Variants in TEX26 observed in about 807,000 individuals in gnomAD.
TEX26 encodes the protein testis-expressed protein 26.
TEX26 carries 34 observed loss-of-function variants against 35.3 expected under a neutral mutation model. The observed-to-expected ratio is 0.96, with a 90% confidence interval of 0.73 to 1.28. The LOEUF is 1.28. TEX26 is among the 50% of genes most tolerant of loss of function. TEX26 has a pLI of 0.00. For missense variants in TEX26, 371 were observed against 330.1 expected, an observed-to-expected ratio of 1.12 and a Z score of -0.96; for synonymous variants, 136 against 111.8, an observed-to-expected ratio of 1.22 and a Z score of -1.36.
At position 30,944,048 on chromosome 13, in the gene TEX26, A is replaced by G. The variant is rs961804270; in HGVS notation, c.146+4270A>G. ...AGGATTGGCACCAATTCTTCTTTGA[A>G]CATCTGATAGAATTCAGCTGTGAAT... On this transcript the variant is annotated intron_variant, in intron 2 of 6. Coordinates refer to ENST00000380473, the MANE Select transcript of TEX26 (RefSeq NM_152325.3). Among the ~76,000 whole-genome samples, 6 of 152,050 alleles carry G rather than the reference A, an allele frequency of 3.9e-5. No homozygotes were observed. In the East Asian group the frequency reaches 7.7e-4, roughly 20 times the overall value.
chr13:30,941,361 G>T (rs536758707), intron 2 of TEX26, among the ~76,000 whole-genome samples: 1 of 152,292 alleles, frequency 6.6e-6, no homozygotes, highest in South Asian at 2.1e-4. Context: ...CTATATAACT[G>T]TAACAGTAGC....
intron 4 of TEX26, among the ~76,000 whole-genome samples, chr13:30,964,274 G>A (rs551361336): frequency 1.1e-4 from 17 of 152,152 alleles, no homozygotes; most frequent in Non-Finnish European, 2.1e-4. Context: ...TGTCTGGAAT[G>A]AGGGTCAGCA....
intron 4 of TEX26, among the ~76,000 whole-genome samples, chr13:30,961,546 A>G (rs898150843): frequency 6.6e-6 from 1 of 152,208 alleles, no homozygotes; most frequent in Admixed American, 6.5e-5. Flanking sequence ...TTTTCTAAAA[A>G]AATGTGTTAA....
At chr13:30,969,750 T>C (rs941417902) in intron 6 of TEX26, among the ~76,000 whole-genome samples, 2 of 152,150 alleles carry the variant, frequency 1.3e-5, no homozygotes, top group African/African-American at 4.8e-5. Context: ...CCAGTGCAGA[T>C]GTAAAAATTT....
At chr13:30,963,186 G>T (rs1009876086) in intron 4 of TEX26, among the ~76,000 whole-genome samples, 1 of 152,060 alleles carries the variant, frequency 6.6e-6, no homozygotes. Flanking sequence ...GGGCCTTTCT[G>T]CAGATGCCAT....
chr13:30,948,916 T>C (rs1416227345), intron 2 of TEX26, among the ~76,000 whole-genome samples: 2 of 152,210 alleles, frequency 1.3e-5, no homozygotes, highest in East Asian at 3.8e-4. Context: ...TTAATTTTTG[T>C]ATAAGGTGTA....
In TEX26 at chr13:30,951,518, T is replaced by TA. The variant is rs544858816; in HGVS notation, c.147-1134dup. Among the ~76,000 whole-genome samples, 36 of 152,022 alleles carry TA rather than the reference T, an allele frequency of 2.4e-4. No individual in the cohort carries two copies. In the South Asian group the frequency reaches 5.4e-3, roughly 23 times the overall value. ...AATCTGAATCTATTCAGCCCTTTTT[T>TA]AAAAAAAAGTCAAAATGAAATATTT... On this transcript the variant is annotated intron_variant, in intron 2 of 6. Transcript: ENST00000380473.
intron 4 of TEX26, among the ~76,000 whole-genome samples, chr13:30,961,551 T>G (rs1307304049): frequency 6.6e-6 from 1 of 152,064 alleles, no homozygotes; most frequent in Non-Finnish European, 1.5e-5. Flanking sequence ...TAAAAAAATG[T>G]GTTAACATTT....
chr13:30,967,668 TC>T (rs999836456), intron 5 of TEX26, among the ~76,000 whole-genome samples: 94 of 152,352 alleles, frequency 6.2e-4, no homozygotes, highest in African/African-American at 2.1e-3. Context: ...TTAAAGGGGA[TC>T]CCTGGAGCTG....
In TEX26 at chr13:30,968,734, T is replaced by C. The variant is rs948504139; in HGVS notation, c.647-151T>C. The C allele has an allele frequency of 7.5e-6, 5 of 669,964 alleles. No homozygotes were observed. The East Asian group carries it at 7.6e-5, about 10-fold the overall frequency. The allele number at this position is 669,964 out of a possible 1,614,324, so 41.5% of individuals were successfully genotyped here. ...CTGGTCATTGGAAGAATTTGTTTAA[T>C]ACAGAGCCTTAATGTCCAGCATCAT... is the stretch of plus-strand genomic sequence containing the variant. On this transcript the variant is annotated intron_variant, in intron 5 of 6. Coordinates refer to ENST00000380473, the MANE Select transcript of TEX26 (RefSeq NM_152325.3).
In TEX26 at chr13:30,975,010, GC is replaced by G. The variant is rs1954836320; in HGVS notation, c.*104del. 2.7e-6 allele frequency: 2 copies of G among 746,076 alleles called. No homozygotes were observed. Among genetic ancestry groups the G allele is most frequent in the Non-Finnish European group, 4.2e-6 (2 of 474,042 alleles). The allele number at this position is 746,076 out of a possible 1,614,324, so 46.2% of individuals were successfully genotyped here. A position where few individuals can be genotyped will look rare whatever the true frequency, so the allele number is the denominator to read the frequency against. On this transcript the variant is annotated 3_prime_UTR_variant, in exon 7 of 7. Coordinates refer to ENST00000380473, the MANE Select transcript of TEX26 (RefSeq NM_152325.3). ...ATCAAGGAAAAATAAGATGCAAATA[GC>G]TTCAAGTATGATGTGATAGTCATGA... is the stretch of plus-strand genomic sequence containing the variant.
chr13:30,942,421 T>A (rs1466840028), intron 2 of TEX26, among the ~76,000 whole-genome samples: 1 of 152,194 alleles, frequency 6.6e-6, no homozygotes, highest in Admixed American at 6.5e-5. Context: ...ATGTTAGTCC[T>A]TTGTTAGCTT....
intron 2 of TEX26, 94 bp downstream of exon 2, chr13:30,939,872 A>G (rs1953414790): frequency 1.7e-6 from 2 of 1,156,844 alleles, no homozygotes; most frequent in Non-Finnish European, 2.5e-6. Flanking sequence ...CAGTAATTAG[A>G]GAAGCTTCGT....
intron 2 of TEX26, among the ~76,000 whole-genome samples, chr13:30,948,454 T>C (rs1005257947): frequency 1.3e-5 from 2 of 152,228 alleles, no homozygotes; most frequent in African/African-American, 4.8e-5. Flanking sequence ...AGATGGTATC[T>C]CATTGTGGTT....
At chr13:30,968,277 T>C (rs564051701) in intron 5 of TEX26, among the ~76,000 whole-genome samples, 4 of 152,274 alleles carry the variant, frequency 2.6e-5, no homozygotes, top group African/African-American at 9.6e-5. Flanking sequence ...GAGACCTGGC[T>C]AGCAAAGTTG....
chr13:30,956,144 T>A (rs1403994211), intron 3 of TEX26, among the ~76,000 whole-genome samples: 1 of 150,628 alleles, frequency 6.6e-6, no homozygotes, highest in African/African-American at 2.4e-5. Flanking sequence ...TAGGTATATA[T>A]CCTAATGCTA....
rs149510812 is a variant in TEX26, at chr13:30,969,134, G to A, written c.808+88G>A. On this transcript the variant is annotated intron_variant, in intron 6 of 6. Transcript: ENST00000380473. ...ACTGTTCCAAGTTCTAGCCACTGGAGTTGAATGCCCACAAAAATGAAAACA... is the reference window on the plus strand; with the variant it reads ...ACTGTTCCAAGTTCTAGCCACTGGAATTGAATGCCCACAAAAATGAAAACA... The A allele has an allele frequency of 3.9e-4, 434 of 1,108,662 alleles. 1 individual carries two copies. The African/African-American group carries it at 6.3e-3, about 16-fold the overall frequency. 68.7% of individuals were successfully genotyped at this position (1,108,662 alleles called of 1,614,324 possible).
At chr13:30,965,146 C>A (rs548936601) in intron 4 of TEX26, among the ~76,000 whole-genome samples, 1 of 152,246 alleles carries the variant, frequency 6.6e-6, no homozygotes, top group South Asian at 2.1e-4. Context: ...CTATTGAATA[C>A]CCATGCCCTC....
At chr13:30,944,532 T>G (rs1953631908) in intron 2 of TEX26, among the ~76,000 whole-genome samples, 1 of 152,044 alleles carries the variant, frequency 6.6e-6, no homozygotes, top group African/African-American at 2.4e-5. Flanking sequence ...AGTATGAAAT[T>G]AGGTTGTCAA....
Sources: allele counts gnomAD v4.1 joint callset (sites outside exome capture counted in the v4.1 genomes callset), GRCh38; gene constraint gnomAD v4.1.1; transcripts MANE v1.5; gene names NCBI Gene and HGNC (gene_info 2026-07-23, HGNC 2026-07-21).